The following GRID2 variants were observed in gnomAD, a reference collection of about 807,000 sequenced individuals.
GRID2 encodes glutamate receptor ionotropic, delta-2.
In GRID2, 33 loss-of-function variants were observed where a neutral mutation model predicts 114.8. That is an observed-to-expected ratio of 0.29 (90% CI 0.22 to 0.38). GRID2 has a LOEUF of 0.38. Among genes scored for constraint, GRID2 ranks in the 10% least tolerant of loss-of-function variants. GRID2 has a pLI of 1.00. For missense variants in GRID2, 1,184 were observed against 1,257.7 expected, an observed-to-expected ratio of 0.94 and a Z score of 0.89; for synonymous variants, 505 against 449.9, an observed-to-expected ratio of 1.12 and a Z score of -1.55.
At chr4:93,366,784 G>A (rs1313839512) in intron 8 of GRID2, among the ~76,000 whole-genome samples, 2 of 151,944 alleles carry the variant, frequency 1.3e-5, no homozygotes, top group Non-Finnish European at 2.9e-5. Context: ...TATTTCTCAA[G>A]CTGGCCGACG....
In GRID2 at chr4:92,635,711, A is replaced by G. The variant is rs190058367; in HGVS notation, c.244+45425A>G. ...CTAATTTTTATTAGGGAACATTTCAATACAACTAACATTTTTGAAATACAT... is the reference window on the plus strand; with the variant it reads ...CTAATTTTTATTAGGGAACATTTCAGTACAACTAACATTTTTGAAATACAT... On this transcript the variant is annotated intron_variant, in intron 2 of 15. Transcript: ENST00000282020. 4.7e-3 allele frequency among the ~76,000 whole-genome samples: 720 copies of G among 152,240 alleles called. 1 individual carries two copies. The highest frequency in any genetic ancestry group is 8.1e-3 in the Non-Finnish European group (554 of 68,020).
At chr4:92,722,479 A>T (rs1245266786) in intron 2 of GRID2, among the ~76,000 whole-genome samples, 1 of 152,162 alleles carries the variant, frequency 6.6e-6, no homozygotes, top group East Asian at 1.9e-4. Flanking sequence ...AATCCAGAAT[A>T]TAACTGAACA....
chr4:92,971,036 A>G (rs117137765), intron 2 of GRID2, among the ~76,000 whole-genome samples: 1 of 152,036 alleles, frequency 6.6e-6, no homozygotes, highest in East Asian at 1.9e-4. Flanking sequence ...TTTGTACAGA[A>G]GAAGACTCAG....
At chr4:93,193,398 C>A (rs947561722) in intron 4 of GRID2, among the ~76,000 whole-genome samples, 1 of 151,894 alleles carries the variant, frequency 6.6e-6, no homozygotes, top group African/African-American at 2.4e-5. Context: ...GGTCAATTAC[C>A]CCCATGCTGC....
In GRID2 at chr4:92,854,765, G is replaced by A. The variant is rs1183137304; in HGVS notation, c.245-230230G>A. ...TTTCAAAATTTATCTCAATAAAAAT[G>A]TATTATTAATGTAAATAATAAAAAA... On this transcript the variant is annotated intron_variant, in intron 2 of 15. Transcript: ENST00000282020. Among the ~76,000 whole-genome samples the A allele has an allele frequency of 2.0e-5, 3 of 151,830 alleles. 1 individual carries two copies. The highest frequency in any genetic ancestry group is 2.0e-4 in the Admixed American group (3 of 15,198).
At chr4:93,246,713 C>T (rs1025978575) in intron 8 of GRID2, among the ~76,000 whole-genome samples, 2 of 152,038 alleles carry the variant, frequency 1.3e-5, no homozygotes, top group African/African-American at 2.4e-5. Flanking sequence ...ACATTTAGCT[C>T]CATCAGCTTT....
intron 2 of GRID2, among the ~76,000 whole-genome samples, chr4:92,917,807 G>C (rs1466023228): frequency 6.6e-6 from 1 of 152,040 alleles, no homozygotes; most frequent in East Asian, 1.9e-4. Flanking sequence ...TTGTTCTTTT[G>C]GCTTAGGATT....
chr4:93,537,745 T>A (rs1732239600), intron 13 of GRID2, among the ~76,000 whole-genome samples: 1 of 151,788 alleles, frequency 6.6e-6, no homozygotes, highest in Non-Finnish European at 1.5e-5. Context: ...TAGAGATGTT[T>A]GATCCTTAAC....
chr4:92,800,549 G>A (rs891459158), intron 2 of GRID2, among the ~76,000 whole-genome samples: 11 of 151,924 alleles, frequency 7.2e-5, no homozygotes, highest in African/African-American at 2.4e-4. Context: ...ACATATACAT[G>A]GTTCAGAATA....
At chr4:93,221,597 A>C (rs1744883203) in intron 6 of GRID2, among the ~76,000 whole-genome samples, 1 of 152,194 alleles carries the variant, frequency 6.6e-6, no homozygotes, top group African/African-American at 2.4e-5. Flanking sequence ...ATGATGAGAG[A>C]TAGTTTGGTA....
intron 2 of GRID2, among the ~76,000 whole-genome samples, chr4:92,802,553 G>C (rs142283629): frequency 2.4e-3 from 371 of 151,862 alleles, no homozygotes; most frequent in African/African-American, 8.5e-3. Context: ...AGAATCCAAT[G>C]ATGTTGTTTT....
intron 2 of GRID2, among the ~76,000 whole-genome samples, chr4:93,069,288 A>G (rs1478576266): frequency 6.6e-6 from 1 of 151,694 alleles, no homozygotes; most frequent in Non-Finnish European, 1.5e-5. Flanking sequence ...ATGTGCGTGT[A>G]TGTATATATA....
chr4:93,000,121 T>C (rs1334563673), intron 2 of GRID2, among the ~76,000 whole-genome samples: 2 of 151,728 alleles, frequency 1.3e-5, no homozygotes, highest in Non-Finnish European at 3.0e-5. Flanking sequence ...AGATGCTTAA[T>C]GTATAGTCTT....
intron 14 of GRID2, among the ~76,000 whole-genome samples, chr4:93,693,314 A>T (rs1330482697): frequency 6.6e-6 from 1 of 152,160 alleles, no homozygotes; most frequent in Admixed American, 6.5e-5. Flanking sequence ...CATTTGTTTG[A>T]CAACTTTGAC....
intron 2 of GRID2, among the ~76,000 whole-genome samples, chr4:92,974,883 A>G (rs1019439400): frequency 2.0e-5 from 3 of 151,852 alleles, no homozygotes; most frequent in Admixed American, 1.3e-4. Flanking sequence ...ACAGGCCGGG[A>G]GCGGCGGCTC....
At chr4:92,422,777 T>C (rs1227724173) in intron 1 of GRID2, among the ~76,000 whole-genome samples, 6 of 152,166 alleles carry the variant, frequency 3.9e-5, no homozygotes, top group African/African-American at 1.4e-4. Context: ...ATTTCTAATC[T>C]TGTGGCTAAT....
At chr4:92,987,953 A>T (rs1170481986) in intron 2 of GRID2, among the ~76,000 whole-genome samples, 1 of 152,064 alleles carries the variant, frequency 6.6e-6, no homozygotes, top group Non-Finnish European at 1.5e-5. Context: ...GTGATATGAC[A>T]TTTTTTCTTC....
chr4:92,434,327 C>T (rs1370607858), intron 1 of GRID2, among the ~76,000 whole-genome samples: 1 of 152,190 alleles, frequency 6.6e-6, no homozygotes, highest in Non-Finnish European at 1.5e-5. Flanking sequence ...CATTTCCTCA[C>T]TGACTGGATC....
At chr4:93,751,113 A>T (rs1477960151) in intron 14 of GRID2, among the ~76,000 whole-genome samples, 2 of 152,204 alleles carry the variant, frequency 1.3e-5, no homozygotes, top group Non-Finnish European at 2.9e-5. Flanking sequence ...TATAAATGAA[A>T]ATGCACTGAC....
Sources: gnomAD v4.1 joint callset for allele counts (sites outside exome capture counted in the v4.1 genomes callset) on GRCh38, gnomAD v4.1.1 for gene constraint, MANE v1.5 for transcripts, NCBI Gene and HGNC (gene_info 2026-07-23, HGNC 2026-07-21) for gene names.